THRB: variants seen among roughly 807,000 people sequenced by gnomAD.
THRB encodes the protein thyroid hormone receptor beta, also known as nuclear receptor subfamily 1 group A member 2.
In THRB, 12 loss-of-function variants were observed where a neutral mutation model predicts 47.8. The ratio of observed to expected loss-of-function variants is 0.25; its 90% confidence interval spans 0.16 to 0.41. The LOEUF (loss-of-function observed/expected upper bound fraction) is 0.41. Among genes scored for constraint, THRB ranks in the 10% least tolerant of loss-of-function variants. The pLI is 1.00. For synonymous variants in THRB, 218 were observed against 212.2 expected, an observed-to-expected ratio of 1.03 and a Z score of -0.24; for missense variants, 348 against 589.2, an observed-to-expected ratio of 0.59 and a Z score of 4.24.
chr3:24,270,632 C>CG (rs1206511658), intron 3 of THRB, among the ~76,000 whole-genome samples: 4 of 152,264 alleles, frequency 2.6e-5, no homozygotes, highest in Admixed American at 2.0e-4. Flanking sequence ...AGACAGCTAA[C>CG]GGGGGTCAGT....
chr3:24,124,184 A>C (rs951326499), intron 10 of THRB, among the ~76,000 whole-genome samples: 2 of 152,222 alleles, frequency 1.3e-5, no homozygotes, highest in African/African-American at 4.8e-5. Context: ...GAAAGGAAGG[A>C]TCAGGGCTAA....
chr3:24,349,803 G>T (rs2149526646), intron 1 of THRB, among the ~76,000 whole-genome samples: 2 of 151,996 alleles, frequency 1.3e-5, no homozygotes, highest in Middle Eastern at 6.8e-3. Context: ...TCTTAAACAG[G>T]ACACAAACAG....
At chr3:24,285,004 C>T (rs1302024990) in intron 3 of THRB, among the ~76,000 whole-genome samples, 1 of 152,052 alleles carries the variant, frequency 6.6e-6, no homozygotes, top group African/African-American at 2.4e-5. Context: ...CTAGTTCAAC[C>T]ATTGTGGAAG....
At chr3:24,387,678 A>C (rs1443627190) in intron 1 of THRB, among the ~76,000 whole-genome samples, 8 of 152,170 alleles carry the variant, frequency 5.3e-5, no homozygotes, top group Non-Finnish European at 1.2e-4. Context: ...GTGCATCATT[A>C]CATTCCATTA....
chr3:24,154,788 A>G (rs1184766884), intron 5 of THRB, among the ~76,000 whole-genome samples: 2 of 152,216 alleles, frequency 1.3e-5, no homozygotes, highest in African/African-American at 2.4e-5. Flanking sequence ...TGAACCTCTT[A>G]TACCTCGAGG....
intron 4 of THRB, among the ~76,000 whole-genome samples, chr3:24,205,235 G>A (rs1170921022): frequency 1.3e-5 from 2 of 152,178 alleles, no homozygotes; most frequent in African/African-American, 2.4e-5. Flanking sequence ...AGGAAAAAAT[G>A]TTAAGGGCAG....
intron 1 of THRB, among the ~76,000 whole-genome samples, chr3:24,361,184 C>T (rs1016570220): frequency 6.6e-6 from 1 of 152,176 alleles, no homozygotes; most frequent in Non-Finnish European, 1.5e-5. Context: ...CATGCATGAG[C>T]ATACACTTGT....
At chr3:24,389,465 A>G (rs949244551) in intron 1 of THRB, among the ~76,000 whole-genome samples, 8 of 152,168 alleles carry the variant, frequency 5.3e-5, no homozygotes, top group African/African-American at 1.7e-4. Flanking sequence ...TATTATAGCA[A>G]CGCTTTAAGA....
At chr3:24,276,796 G>A (rs1047063953) in intron 3 of THRB, among the ~76,000 whole-genome samples, 4 of 152,224 alleles carry the variant, frequency 2.6e-5, no homozygotes, top group African/African-American at 9.6e-5. Flanking sequence ...GAGTGGGTAG[G>A]GGAGGGAAAG....
intron 3 of THRB, among the ~76,000 whole-genome samples, chr3:24,274,833 C>T (rs1177767397): frequency 6.6e-6 from 1 of 152,170 alleles, no homozygotes; most frequent in East Asian, 1.9e-4. Context: ...GTTTCACTTA[C>T]ATATCACATA....
At chr3:24,428,294 C>G (rs1250641666) in intron 1 of THRB, among the ~76,000 whole-genome samples, 1 of 152,004 alleles carries the variant, frequency 6.6e-6, no homozygotes, top group African/African-American at 2.4e-5. Flanking sequence ...ACACATTGGA[C>G]AGTGTTGCTA....
At chr3:24,317,188 A>T (rs1380506234) in intron 2 of THRB, among the ~76,000 whole-genome samples, 3 of 152,170 alleles carry the variant, frequency 2.0e-5, no homozygotes, top group Non-Finnish European at 4.4e-5. Flanking sequence ...TGTGGGTTCA[A>T]ATTCCACCTG....
intron 4 of THRB, among the ~76,000 whole-genome samples, chr3:24,216,026 T>C (rs945270959): frequency 6.6e-5 from 10 of 152,344 alleles, no homozygotes; most frequent in African/African-American, 2.4e-4. Context: ...GGTTCATTTA[T>C]TGCAGTGGAG....
intron 4 of THRB, among the ~76,000 whole-genome samples, chr3:24,190,627 G>A (rs1220331813): frequency 6.6e-6 from 1 of 152,004 alleles, no homozygotes; most frequent in African/African-American, 2.4e-5. Flanking sequence ...CACAGCAATG[G>A]CCCAGGAGCA....
intron 1 of THRB, among the ~76,000 whole-genome samples, chr3:24,435,827 C>A (rs185329783): frequency 2.6e-5 from 4 of 152,196 alleles, no homozygotes; most frequent in Middle Eastern, 3.2e-3. Context: ...TTGGCCTCCC[C>A]CTCCGCGGCC....
intron 1 of THRB, among the ~76,000 whole-genome samples, chr3:24,375,227 G>T (rs2065182458): frequency 6.6e-6 from 1 of 150,850 alleles, no homozygotes; most frequent in Admixed American, 6.6e-5. Context: ...TTAAATTACA[G>T]TTTTGGATTT....
At chr3:24,219,580 C>T (rs77018282) in intron 4 of THRB, among the ~76,000 whole-genome samples, 8,791 of 152,230 alleles carry the variant, frequency 0.058, 462 homozygotes, top group East Asian at 0.26. Flanking sequence ...CCTACACAGT[C>T]CTCAGGAGTA....
chr3:24,476,660 C>T (rs1695494630), intron 1 of THRB, among the ~76,000 whole-genome samples: 1 of 152,156 alleles, frequency 6.6e-6, no homozygotes, highest in Non-Finnish European at 1.5e-5. Flanking sequence ...GTATTATTCC[C>T]TTCAAGTTAA....
chr3:24,428,528 G>C (rs2196432), intron 1 of THRB, among the ~76,000 whole-genome samples: 33,778 of 151,954 alleles, frequency 0.22, 4,299 homozygotes, highest in African/African-American at 0.34. Flanking sequence ...GTTTCACCAG[G>C]TGGTGGCAAG....
Sources: gnomAD v4.1 joint callset for allele counts (sites outside exome capture counted in the v4.1 genomes callset) on GRCh38, gnomAD v4.1.1 for gene constraint, MANE v1.5 for transcripts, NCBI Gene and HGNC (gene_info 2026-07-23, HGNC 2026-07-21) for gene names.